Variants in DIP2B observed in about 807,000 individuals in gnomAD.
DIP2B encodes the protein disco-interacting protein 2 homolog B.
A neutral mutation model predicts 198.0 loss-of-function variants in DIP2B; 76 were observed. That is an observed-to-expected ratio of 0.38 (90% CI 0.32 to 0.46). The LOEUF is 0.46. DIP2B is among the 20% of genes least tolerant of loss of function. DIP2B has a pLI of 0.99. For missense variants in DIP2B, 1,559 were observed against 1,978.4 expected (o/e 0.79, Z 4.02); for synonymous variants, 701 against 739.1 (o/e 0.95, Z 0.84).
At chr12:50,556,911 T>C (rs1958476685) in intron 1 of DIP2B, among the ~76,000 whole-genome samples, 1 of 152,192 alleles carries the variant, frequency 6.6e-6, no homozygotes, top group African/African-American at 2.4e-5. Flanking sequence ...GGTTTCTCCA[T>C]GTTGGTCAGG....
At chr12:50,572,029 G>C (rs957379039) in intron 1 of DIP2B, among the ~76,000 whole-genome samples, 5 of 152,148 alleles carry the variant, frequency 3.3e-5, no homozygotes, top group African/African-American at 7.2e-5. Flanking sequence ...CTTCTCTTTA[G>C]AGTTTGTTAC....
chr12:50,742,394 CAAAA>C (rs59566626), intron 37 of DIP2B, among the ~76,000 whole-genome samples: 74 of 47,470 alleles, frequency 1.6e-3, no homozygotes, highest in African/African-American at 6.7e-3. Flanking sequence ...GAGACTGTCT[CAAAA>C]AAAAAAAAAA....
At chr12:50,691,736 AT>A (rs1423616104) in intron 13 of DIP2B, among the ~76,000 whole-genome samples, 1 of 150,388 alleles carries the variant, frequency 6.6e-6, no homozygotes, top group Non-Finnish European at 1.5e-5. Context: ...AATGGAAGCA[AT>A]CAAAATGCCC....
chr12:50,599,523 A>G (rs933715395), intron 1 of DIP2B, among the ~76,000 whole-genome samples: 1 of 151,972 alleles, frequency 6.6e-6, no homozygotes, highest in Admixed American at 6.6e-5. Flanking sequence ...AGGCTGAGGC[A>G]GGAGAATCAT....
intron 35 of DIP2B, among the ~76,000 whole-genome samples, chr12:50,738,633 C>T (rs1205022100): frequency 6.6e-6 from 1 of 152,118 alleles, no homozygotes; most frequent in Admixed American, 6.5e-5. Context: ...ACCAGGCGCA[C>T]ACCACCACGC....
At chr12:50,651,613 C>T (rs892445287) in intron 3 of DIP2B, among the ~76,000 whole-genome samples, 5 of 152,048 alleles carry the variant, frequency 3.3e-5, no homozygotes, top group African/African-American at 1.2e-4. Flanking sequence ...GTTTTGGCAC[C>T]TTTGTTGAAG....
chr12:50,576,023 G>C (rs766785006), intron 1 of DIP2B, among the ~76,000 whole-genome samples: 5 of 151,772 alleles, frequency 3.3e-5, no homozygotes, highest in Admixed American at 6.6e-5. Flanking sequence ...CTCCCAAAGA[G>C]CTGGAATTAC....
Position 50,651,708 on chromosome 12 carries a change from A to G in DIP2B, c.302-8486A>G, listed in dbSNP as rs553298057. Among the ~76,000 whole-genome samples, 13 of 152,178 alleles carry G rather than the reference A, an allele frequency of 8.5e-5. No individual in the cohort carries two copies. The South Asian group carries it at 2.5e-3, about 29-fold the overall frequency. Reference sequence around the variant, plus strand: ...CCTGTCGGTCTTTATGCCAGTACCAAACTATTTTGAATACTGGAGCTTTGT... The same window carrying G: ...CCTGTCGGTCTTTATGCCAGTACCAGACTATTTTGAATACTGGAGCTTTGT... On this transcript the variant is annotated intron_variant, in intron 3 of 37. Transcript: ENST00000301180.
At chr12:50,609,203 TA>T (rs1236957479) in intron 1 of DIP2B, among the ~76,000 whole-genome samples, 20 of 152,222 alleles carry the variant, frequency 1.3e-4, no homozygotes, top group Non-Finnish European at 2.4e-4. Context: ...TTGTATCTTC[TA>T]CATAAGAGTT....
chr12:50,594,516 G>T (rs1480025217), intron 1 of DIP2B, among the ~76,000 whole-genome samples: 2 of 152,136 alleles, frequency 1.3e-5, no homozygotes, highest in African/African-American at 2.4e-5. Flanking sequence ...GTTCAGTTTA[G>T]AATTCAGCAG....
intron 3 of DIP2B, among the ~76,000 whole-genome samples, chr12:50,648,214 A>G (rs1938384531): frequency 1.3e-5 from 2 of 152,192 alleles, no homozygotes; most frequent in South Asian, 4.1e-4. Flanking sequence ...AGATGAGAAA[A>G]CAAATGTTTC....
intron 16 of DIP2B, among the ~76,000 whole-genome samples, 157 bp from the exon 17 acceptor site, chr12:50,696,904 C>A (rs1200760730): frequency 1.3e-5 from 2 of 152,156 alleles, no homozygotes; most frequent in Non-Finnish European, 2.9e-5. Context: ...TATATCAAAC[C>A]ATCTCACAGG....
intron 1 of DIP2B, among the ~76,000 whole-genome samples, chr12:50,558,684 C>T (rs2139394725): frequency 6.6e-6 from 1 of 152,262 alleles, no homozygotes; most frequent in Admixed American, 6.5e-5. Context: ...AGCATTAACT[C>T]AGAAGAACAA....
At chr12:50,550,901 A>G (rs990371479) in intron 1 of DIP2B, among the ~76,000 whole-genome samples, 1 of 152,052 alleles carries the variant, frequency 6.6e-6, no homozygotes, top group Non-Finnish European at 1.5e-5. Context: ...AGGTGGGTGA[A>G]TTGCTTGAGT....
chr12:50,659,242 T>C (rs778495573), intron 3 of DIP2B, among the ~76,000 whole-genome samples: 52 of 152,166 alleles, frequency 3.4e-4, no homozygotes, highest in Admixed American at 6.5e-4. Flanking sequence ...CATTGTCACA[T>C]TGTCGTTAAA....
chr12:50,616,890 G>C (rs1030917732), intron 1 of DIP2B, among the ~76,000 whole-genome samples: 2 of 152,090 alleles, frequency 1.3e-5, no homozygotes, highest in Non-Finnish European at 2.9e-5. Context: ...GCCTTTTTCA[G>C]CTTTGCTTTA....
At chr12:50,716,958 C>CTTTTTTGTTTTTTTTTTTTTTT (rs1939732231) in intron 23 of DIP2B, among the ~76,000 whole-genome samples, 1 of 58,924 alleles carries the variant, frequency 1.7e-5, no homozygotes, top group Non-Finnish European at 3.0e-5. Flanking sequence ...CGAATTGTTG[C>CTTTTTTGTTTTTTTTTTTTTTT]TTTTTTTTTT....
intron 1 of DIP2B, among the ~76,000 whole-genome samples, chr12:50,554,836 C>T (rs1024712791): frequency 6.7e-6 from 1 of 148,986 alleles, no homozygotes; most frequent in Non-Finnish European, 1.5e-5. Flanking sequence ...GGCGCCATCT[C>T]GACTCACTGC....
intron 1 of DIP2B, among the ~76,000 whole-genome samples, chr12:50,520,903 T>A (rs948222399): frequency 9.2e-5 from 14 of 152,084 alleles, no homozygotes; most frequent in Non-Finnish European, 2.1e-4. Context: ...TTCCTCACTC[T>A]TTCTTGGCAA....
Sources: allele counts gnomAD v4.1 joint callset (sites outside exome capture counted in the v4.1 genomes callset), GRCh38; gene constraint gnomAD v4.1.1; transcripts MANE v1.5; gene names NCBI Gene and HGNC (gene_info 2026-07-23, HGNC 2026-07-21).